ITGBL1: variants seen among roughly 807,000 people sequenced by gnomAD.
The protein encoded by ITGBL1 is integrin beta-like protein 1.
In ITGBL1, 51 loss-of-function variants were observed where a neutral mutation model predicts 68.5. The ratio of observed to expected loss-of-function variants is 0.74; its 90% CI spans 0.59 to 0.94. The LOEUF (loss-of-function observed/expected upper bound fraction) is 0.94, where lower values mean the gene tolerates loss of function less well. Ranked by LOEUF, ITGBL1 falls within the 40% of genes least tolerant of loss-of-function variation. The pLI, the probability that ITGBL1 is intolerant of heterozygous loss-of-function variation, is 0.00. For missense variants in ITGBL1, 649 were observed against 647.4 expected, an observed-to-expected ratio of 1.00 and a Z score of -0.03; for synonymous variants, 209 against 227.3, an observed-to-expected ratio of 0.92 and a Z score of 0.72.
chr13:101,599,226 A>T (rs1222468804), intron 7 of ITGBL1, among the ~76,000 whole-genome samples: 1 of 151,580 alleles, frequency 6.6e-6, no homozygotes, highest in East Asian at 1.9e-4. Flanking sequence ...TGGCTGCATA[A>T]ATGTCTTCTT....
chr13:101,502,698 G>A (rs1388773589), intron 2 of ITGBL1, among the ~76,000 whole-genome samples: 1 of 152,100 alleles, frequency 6.6e-6, no homozygotes, highest in African/African-American at 2.4e-5. Context: ...AGAGATATGA[G>A]TAAACCACAG....
chr13:101,658,661 T>C (rs2032998411), intron 7 of ITGBL1, among the ~76,000 whole-genome samples: 1 of 152,098 alleles, frequency 6.6e-6, no homozygotes, highest in Non-Finnish European at 1.5e-5. Flanking sequence ...ATTTTAAAAA[T>C]ATGTAGTGGA....
chr13:101,642,762 A>G (rs1303842481), intron 7 of ITGBL1, among the ~76,000 whole-genome samples: 1 of 152,002 alleles, frequency 6.6e-6, no homozygotes, highest in African/African-American at 2.4e-5. Flanking sequence ...GAAGGGATCC[A>G]GTTTCAGCTT....
chr13:101,464,321 A>T (rs2048354739), intron 2 of ITGBL1, among the ~76,000 whole-genome samples: 1 of 152,002 alleles, frequency 6.6e-6, no homozygotes, highest in Non-Finnish European at 1.5e-5. Flanking sequence ...TTCATTTTTC[A>T]CAAGGAGTTT....
intron 8 of ITGBL1, among the ~76,000 whole-genome samples, chr13:101,697,760 G>A (rs566157067): frequency 2.0e-5 from 3 of 152,160 alleles, no homozygotes; most frequent in East Asian, 1.9e-4. Context: ...ACATAAAGAC[G>A]GAAATGTGCC....
At chr13:101,709,974 A>G (rs2034387590) in intron 9 of ITGBL1, among the ~76,000 whole-genome samples, 2 of 152,266 alleles carry the variant, frequency 1.3e-5, no homozygotes, top group Non-Finnish European at 2.9e-5. Flanking sequence ...TTTCAGCATC[A>G]TAAATGTAGA....
intron 8 of ITGBL1, among the ~76,000 whole-genome samples, chr13:101,693,857 A>C (rs2033939890): frequency 6.6e-6 from 1 of 152,168 alleles, no homozygotes; most frequent in Non-Finnish European, 1.5e-5. Flanking sequence ...TTTTGCAGTC[A>C]GACCTTGGTG....
At chr13:101,530,193 G>T (rs1049646989) in intron 2 of ITGBL1, among the ~76,000 whole-genome samples, 6 of 152,112 alleles carry the variant, frequency 3.9e-5, no homozygotes, top group African/African-American at 1.2e-4. Flanking sequence ...ACAAGTCTTA[G>T]TGTAGAACTA....
At chr13:101,563,153 G>A (rs1027702370) in intron 2 of ITGBL1, among the ~76,000 whole-genome samples, 1 of 150,670 alleles carries the variant, frequency 6.6e-6, no homozygotes, top group Non-Finnish European at 1.5e-5. Context: ...AGCTAACATA[G>A]TACTTAGAGA....
chr13:101,658,689 G>A (rs2032999195), intron 7 of ITGBL1, among the ~76,000 whole-genome samples: 1 of 152,030 alleles, frequency 6.6e-6, no homozygotes, highest in South Asian at 2.1e-4. Context: ...CTCAGGTAAT[G>A]GCATAAAAGT....
intron 2 of ITGBL1, among the ~76,000 whole-genome samples, chr13:101,558,424 C>T (rs1235949406): frequency 1.3e-5 from 2 of 152,110 alleles, no homozygotes; most frequent in African/African-American, 4.8e-5. Flanking sequence ...AGGCAATATA[C>T]CCATGTAACA....
intron 7 of ITGBL1, among the ~76,000 whole-genome samples, chr13:101,615,356 G>C (rs939351855): frequency 3.9e-5 from 6 of 152,138 alleles, no homozygotes; most frequent in Admixed American, 2.6e-4. Flanking sequence ...AGGTGGACAT[G>C]AATTTTGAGG....
chr13:101,646,776 A>G (rs971938669), intron 7 of ITGBL1, among the ~76,000 whole-genome samples: 9 of 152,150 alleles, frequency 5.9e-5, no homozygotes, highest in African/African-American at 1.9e-4. Context: ...AAAACAAAAC[A>G]AAACAAAAAG....
intron 7 of ITGBL1, among the ~76,000 whole-genome samples, chr13:101,673,857 G>C (rs1236779012): frequency 6.6e-6 from 1 of 152,048 alleles, no homozygotes; most frequent in African/African-American, 2.4e-5. Flanking sequence ...GTGGCTAAAG[G>C]GTTTCATACT....
At chr13:101,575,358 T>C (rs2050339419) in intron 3 of ITGBL1, 66 bp from the exon 4 acceptor site, 1 of 1,443,316 alleles carries the variant, frequency 6.9e-7, no homozygotes, top group South Asian at 1.2e-5. Flanking sequence ...AGAGATGGTA[T>C]AAAAATTCAT....
At chr13:101,679,205 C>A (rs553816478) in intron 7 of ITGBL1, among the ~76,000 whole-genome samples, 6 of 152,146 alleles carry the variant, frequency 3.9e-5, no homozygotes, top group Non-Finnish European at 8.8e-5. Context: ...CGCGCCTGGC[C>A]GAGAAACACT....
chr13:101,693,633 T>TCTAC (rs2033932828), intron 8 of ITGBL1, among the ~76,000 whole-genome samples: 1 of 136,612 alleles, frequency 7.3e-6, no homozygotes. Flanking sequence ...TGTCTATCTA[T>TCTAC]CTATCTATCT....
intron 2 of ITGBL1, among the ~76,000 whole-genome samples, chr13:101,471,147 T>A (rs1410923533): frequency 6.6e-6 from 1 of 152,150 alleles, no homozygotes; most frequent in Admixed American, 6.5e-5. Context: ...TTTTCATATG[T>A]GAAAGTGTGA....
chr13:101,564,748 A>G (rs2050156133), intron 2 of ITGBL1, among the ~76,000 whole-genome samples: 1 of 150,858 alleles, frequency 6.6e-6, no homozygotes, highest in South Asian at 2.1e-4. Flanking sequence ...ATGTATGTGT[A>G]TATGTACATA....
Sources: gnomAD v4.1 joint callset for allele counts (sites outside exome capture counted in the v4.1 genomes callset) on GRCh38, gnomAD v4.1.1 for gene constraint, MANE v1.5 for transcripts, NCBI Gene and HGNC (gene_info 2026-07-23, HGNC 2026-07-21) for gene names.